HHAT: variants seen among roughly 807,000 people sequenced by gnomAD.
HHAT encodes hedgehog acyltransferase, also known as protein-cysteine N-palmitoyltransferase HHAT.
Under a neutral mutation model 70.8 loss-of-function variants are expected in HHAT, and 47 were observed. The observed-to-expected ratio is 0.66, with a 90% CI of 0.53 to 0.85. HHAT has a LOEUF of 0.85. Among genes scored for constraint, HHAT ranks in the 40% least tolerant of loss-of-function variants. The pLI is 0.00. For missense variants in HHAT, 609 were observed against 604.8 expected (o/e 1.01, Z -0.07); for synonymous variants, 228 against 247.6 (o/e 0.92, Z 0.74).
At chr1:210,440,723 G>C (rs887891078) in intron 7 of HHAT, among the ~76,000 whole-genome samples, 1 of 151,358 alleles carries the variant, frequency 6.6e-6, no homozygotes, top group African/African-American at 2.5e-5. Flanking sequence ...TTTCAACACT[G>C]TGTACCTGGA....
intron 10 of HHAT, among the ~76,000 whole-genome samples, chr1:210,617,098 T>C (rs1667910167): frequency 6.6e-6 from 1 of 152,240 alleles, no homozygotes; most frequent in South Asian, 2.1e-4. Context: ...GTTGGGCTGG[T>C]CCAAAGCTGT....
intron 9 of HHAT, among the ~76,000 whole-genome samples, chr1:210,513,669 G>A (rs1292515008): frequency 6.6e-6 from 1 of 152,134 alleles, no homozygotes; most frequent in Non-Finnish European, 1.5e-5. Flanking sequence ...GTTGGCTTAT[G>A]GGACATATTA....
chr1:210,396,434 C>T (rs1020548299), intron 4 of HHAT, among the ~76,000 whole-genome samples: 5 of 152,204 alleles, frequency 3.3e-5, no homozygotes, highest in African/African-American at 1.2e-4. Flanking sequence ...AACATAGTAA[C>T]AGCACCAAAT....
At chr1:210,588,936 T>C (rs1661075310) in intron 10 of HHAT, 1 of 152,246 alleles carries the variant, frequency 6.6e-6, no homozygotes, top group Non-Finnish European at 1.5e-5. Context: ...AGCATTTCTC[T>C]TTACACATAT....
At position 210,501,261 on chromosome 1, in the gene HHAT, A is replaced by G. The variant is rs146369423; in HGVS notation, c.1008-11892A>G. On this transcript the variant is annotated intron_variant, in intron 8 of 11. Coordinates refer to ENST00000261458, the MANE Select transcript of HHAT (RefSeq NM_018194.6). ...TTCTTTGCCATTCTTATTTTGGCCCATAGACTCTGTTGCCCCAACCTCTGC... is the reference window on the plus strand; with the variant it reads ...TTCTTTGCCATTCTTATTTTGGCCCGTAGACTCTGTTGCCCCAACCTCTGC... Among the ~76,000 whole-genome samples the G allele has an allele frequency of 7.3e-3, 1,117 of 152,342 alleles. 16 individuals carry two copies. Among genetic ancestry groups the G allele is most frequent in the African/African-American group, 0.026 (1,063 of 41,582 alleles).
intron 9 of HHAT, among the ~76,000 whole-genome samples, chr1:210,560,814 TAAAAAAAAAAAAAAAA>T (rs60192211): frequency 7.7e-4 from 22 of 28,514 alleles, no homozygotes; most frequent in South Asian, 3.7e-3. Context: ...CCCTGTGTCT[TAAAAAAAAAAAAAAAA>T]AAAAAAAAAA....
At position 210,386,230 on chromosome 1, in the gene HHAT, C is replaced by CTTTTTTTTTTTTTTTTTT. The variant is rs869305965; in HGVS notation, c.160-1229_160-1212dup. On this transcript the variant is annotated intron_variant, in intron 3 of 11. Transcript: ENST00000261458. ...ATTGCAGGAGTCCTTTTCTTTTTTT[C>CTTTTTTTTTTTTTTTTTT]TTTTTTTTTTTTTTTTTTTTTTTTT... 5.6e-4 allele frequency among the ~76,000 whole-genome samples: 39 copies of CTTTTTTTTTTTTTTTTTT among 69,908 alleles called. 1 individual carries two copies. Among genetic ancestry groups the CTTTTTTTTTTTTTTTTTT allele is most frequent in the African/African-American group, 6.9e-4 (11 of 16,046 alleles). The allele number at this position is 69,908 out of a possible 152,430, so 45.9% of individuals were successfully genotyped here.
rs1399710724 is a variant in HHAT, at chr1:210,510,417, G to A, written c.1008-2736G>A. 5.3e-5 allele frequency among the ~76,000 whole-genome samples: 8 copies of A among 152,202 alleles called. No homozygotes were observed. In the East Asian group the frequency reaches 1.5e-3, roughly 29 times the overall value. ...AAAAGCACAAATACTGTATGACTCT[G>A]CTTACGTGAACTTCCATCACTTTCC... On this transcript the variant is annotated intron_variant, in intron 8 of 11. Coordinates refer to ENST00000261458, the MANE Select transcript of HHAT (RefSeq NM_018194.6).
At chr1:210,594,441 A>G (rs1662460356) in intron 10 of HHAT, among the ~76,000 whole-genome samples, 1 of 150,794 alleles carries the variant, frequency 6.6e-6, no homozygotes, top group Non-Finnish European at 1.5e-5. Flanking sequence ...ACGAATAAAA[A>G]CTCTACACTT....
intron 11 of HHAT, among the ~76,000 whole-genome samples, chr1:210,627,744 A>G (rs555484659): frequency 1.3e-5 from 2 of 152,344 alleles, no homozygotes; most frequent in African/African-American, 4.8e-5. Context: ...TTGCTTTAAA[A>G]AAAACTCCAA....
At chr1:210,516,348 C>T (rs1255988772) in intron 9 of HHAT, among the ~76,000 whole-genome samples, 2 of 152,056 alleles carry the variant, frequency 1.3e-5, no homozygotes, top group Non-Finnish European at 2.9e-5. Flanking sequence ...ATGGGATGAA[C>T]TCTTGTATTT....
chr1:210,523,028 G>A (rs181887808), intron 9 of HHAT, among the ~76,000 whole-genome samples: 173 of 152,106 alleles, frequency 1.1e-3, no homozygotes, highest in African/African-American at 4.0e-3. Flanking sequence ...TTTTCTTTCC[G>A]ACCAGGTTGT....
In HHAT at chr1:210,662,471, TTAA is replaced by T. The variant is rs111654319; in HGVS notation, c.1391-11812_1391-11810del. Among the ~76,000 whole-genome samples the T allele has an allele frequency of 7.0e-3, 1,071 of 152,246 alleles. 15 individuals carry two copies. Among genetic ancestry groups the T allele is most frequent in the African/African-American group, 0.024 (1,011 of 41,528 alleles). On this transcript the variant is annotated intron_variant, in intron 11 of 11. Coordinates refer to ENST00000261458, the MANE Select transcript of HHAT (RefSeq NM_018194.6). The stretch of plus-strand genomic sequence containing the variant: ...CTGTGTTTTATAGTGTGGTCATGAA[TTAA>T]TAATGCACAACACTCCTAATTAGGC...
intron 8 of HHAT, among the ~76,000 whole-genome samples, chr1:210,485,562 C>A (rs560073922): frequency 2.0e-5 from 3 of 152,054 alleles, no homozygotes; most frequent in Admixed American, 2.0e-4. Context: ...TAAAGACCTA[C>A]CTGAGACTGG....
At chr1:210,375,248 C>T (rs1182731643) in intron 3 of HHAT, among the ~76,000 whole-genome samples, 1 of 152,088 alleles carries the variant, frequency 6.6e-6, no homozygotes. Context: ...CATCTCTAAT[C>T]CCTGAAAAAC....
chr1:210,656,367 C>G (rs536423962), intron 11 of HHAT, among the ~76,000 whole-genome samples: 1 of 151,958 alleles, frequency 6.6e-6, no homozygotes, highest in African/African-American at 2.4e-5. Context: ...TCCACAGTCA[C>G]GCATGTGCTT....
chr1:210,370,799 A>G (rs868777862), intron 3 of HHAT, among the ~76,000 whole-genome samples: 6 of 152,022 alleles, frequency 3.9e-5, no homozygotes, highest in Middle Eastern at 3.4e-3. Context: ...TATTTGTAGT[A>G]GAGACGGGGT....
At chr1:210,554,073 A>G (rs1202688078) in intron 9 of HHAT, among the ~76,000 whole-genome samples, 2 of 152,170 alleles carry the variant, frequency 1.3e-5, no homozygotes, top group African/African-American at 2.4e-5. Context: ...CGGGGCTGCT[A>G]GGTTATGAAC....
Position 210,611,804 on chromosome 1 carries a change from A to G in HHAT, c.1246-11722A>G, listed in dbSNP as rs1354919216. Among the ~76,000 whole-genome samples, 2 of 152,050 alleles carry G rather than the reference A, an allele frequency of 1.3e-5. 1 individual carries two copies. The highest frequency in any genetic ancestry group is 2.9e-5 in the Non-Finnish European group (2 of 68,012). On this transcript the variant is annotated intron_variant, in intron 10 of 11. Coordinates refer to ENST00000261458, the MANE Select transcript of HHAT (RefSeq NM_018194.6). ...TTTAGTTCTGTTTATGTGATGAATC[A>G]CCTTTATTGATTTGCGTATGTGGAA...
Sources: allele counts gnomAD v4.1 joint callset (sites outside exome capture counted in the v4.1 genomes callset), GRCh38; gene constraint gnomAD v4.1.1; transcripts MANE v1.5; gene names NCBI Gene and HGNC (gene_info 2026-07-23, HGNC 2026-07-21).